Variants in PATJ observed in about 807,000 individuals in gnomAD.
PATJ encodes the protein inaD-like protein.
Under a neutral mutation model 224.9 loss-of-function variants are expected in PATJ, and 190 were observed. That is an observed-to-expected ratio of 0.84 (90% CI 0.75 to 0.95). The LOEUF is 0.95. PATJ is among the 40% of genes least tolerant of loss of function. The probability of loss-of-function intolerance (pLI) is 0.00; values close to 1 mark genes in which losing one functional copy is unlikely to be tolerated. For synonymous variants in PATJ, 769 were observed against 820.3 expected, an observed-to-expected ratio of 0.94 and a Z score of 1.07; for missense variants, 2,121 against 2,270.3, an observed-to-expected ratio of 0.93 and a Z score of 1.34.
At position 62,158,729 on chromosome 1, in the gene PATJ, AAC is replaced by A. The variant is rs1192593646; in HGVS notation, c.5503-2177_5503-2176del. On this transcript the variant is annotated intron_variant, in intron 43 of 43. Transcript: ENST00000642238. Reference sequence around the variant, plus strand: ...GAGCGAGACTCTGTCTCAAAAAAAAAACAAAAAAAAAGAGTTCGAGACCAGCT... The same window carrying A: ...GAGCGAGACTCTGTCTCAAAAAAAAAAAAAAAAAAGAGTTCGAGACCAGCT... Among the ~76,000 whole-genome samples the A allele has an allele frequency of 1.5e-3, 212 of 145,068 alleles. 16 individuals are homozygous for A. Among genetic ancestry groups the A allele is most frequent in the Non-Finnish European group, 2.5e-3 (163 of 65,752 alleles).
At chr1:61,777,219 AT>A (rs1387302118) in intron 7 of PATJ, among the ~76,000 whole-genome samples, 1 of 152,164 alleles carries the variant, frequency 6.6e-6, no homozygotes, top group Non-Finnish European at 1.5e-5. Context: ...AAAAATTAGA[AT>A]TTTGGAAAAT....
chr1:61,985,339 G>C (rs911328386), intron 27 of PATJ, among the ~76,000 whole-genome samples: 4 of 151,502 alleles, frequency 2.6e-5, no homozygotes, highest in African/African-American at 9.8e-5. Context: ...GGTTTCAAAA[G>C]TCAGAATAAT....
chr1:62,157,815 AGT>A (rs1669387483), intron 43 of PATJ, among the ~76,000 whole-genome samples: 2 of 127,968 alleles, frequency 1.6e-5, no homozygotes, highest in African/African-American at 5.7e-5. Flanking sequence ...TGGGCAACAG[AGT>A]GAGACTCTGT....
At chr1:61,755,012 A>G (rs1032129795) in intron 1 of PATJ, among the ~76,000 whole-genome samples, 3 of 152,020 alleles carry the variant, frequency 2.0e-5, no homozygotes, top group African/African-American at 7.2e-5. Context: ...AGAGGTTAGG[A>G]AGATGGGCAG....
At chr1:62,072,222 C>G (rs1163639097) in intron 31 of PATJ, among the ~76,000 whole-genome samples, 1 of 152,172 alleles carries the variant, frequency 6.6e-6, no homozygotes, top group Non-Finnish European at 1.5e-5. Context: ...AGTCTGGATT[C>G]TGCACTCCTC....
chr1:61,946,685 G>GA (rs1678772915), intron 27 of PATJ, among the ~76,000 whole-genome samples: 2 of 152,130 alleles, frequency 1.3e-5, no homozygotes, highest in South Asian at 4.1e-4. Context: ...CCAATCCATA[G>GA]AAAAAGAGGG....
chr1:61,884,455 T>G (rs1299853014), intron 22 of PATJ, 47 bp downstream of exon 22: 17 of 59,728 alleles, frequency 2.8e-4, no homozygotes, highest in Admixed American at 1.3e-3. Context: ...ATAGTGGTTT[T>G]TTTTTTTTTT....
intron 41 of PATJ, among the ~76,000 whole-genome samples, chr1:62,145,066 C>A (rs1047134600): frequency 6.6e-6 from 1 of 152,052 alleles, no homozygotes; most frequent in African/African-American, 2.4e-5. Flanking sequence ...CCGCCCACCT[C>A]GGCTTCCAAA....
chr1:62,117,508 A>T, intron 37 of PATJ: 5 of 638,650 alleles, frequency 7.8e-6, no homozygotes, highest in Non-Finnish European at 9.9e-6. Context: ...TGTTTATTTA[A>T]AAAAAAAAAA....
intron 33 of PATJ, among the ~76,000 whole-genome samples, chr1:62,096,500 ATAATC>A (rs1218752208): frequency 1.3e-5 from 2 of 152,148 alleles, no homozygotes; most frequent in African/African-American, 4.8e-5. Flanking sequence ...CTTGGGAAAA[ATAATC>A]TAAAATATCC....
intron 21 of PATJ, 41 bp from the exon 22 acceptor site, chr1:61,884,196 A>C: frequency 6.7e-7 from 1 of 1,501,010 alleles, no homozygotes; most frequent in South Asian, 1.4e-5. Context: ...AAGGAGAATG[A>C]GTGCCTCTTG....
intron 33 of PATJ, among the ~76,000 whole-genome samples, chr1:62,103,898 C>T (rs1425044976): frequency 5.9e-5 from 9 of 152,284 alleles, no homozygotes; most frequent in South Asian, 4.1e-4. Flanking sequence ...CCAAGTCCCA[C>T]GGCCAACAGT....
chr1:61,890,994 A>G (rs535021519), intron 22 of PATJ, among the ~76,000 whole-genome samples: 1 of 152,194 alleles, frequency 6.6e-6, no homozygotes, highest in East Asian at 1.9e-4. Context: ...TACCCAGGGT[A>G]GTATTCATTG....
chr1:61,861,670 A>G lies in PATJ; in HGVS notation c.2439+3A>G. 1 of 1,205,322 alleles carries G rather than the reference A, an allele frequency of 8.3e-7. No homozygotes were observed. Among genetic ancestry groups the G allele is most frequent in the Non-Finnish European group, 1.1e-6 (1 of 873,594 alleles). 74.7% of individuals were successfully genotyped at this position (1,205,322 alleles called of 1,614,324 possible). A position where few individuals can be genotyped will look rare whatever the true frequency, so the allele number is the denominator to read the frequency against. The stretch of plus-strand genomic sequence containing the variant: ...CTTTAATACTCGAAGCACCCAAGGT[A>G]TTTAATAAATTTATTTCCCATTTGA... On this transcript the variant is annotated splice_donor_region_variant and intron_variant, in intron 19 of 43. Transcript: ENST00000642238.
At chr1:61,791,817 G>T (rs1242175854) in intron 9 of PATJ, among the ~76,000 whole-genome samples, 1 of 151,820 alleles carries the variant, frequency 6.6e-6, no homozygotes, top group Non-Finnish European at 1.5e-5. Context: ...CCCAAAGTAT[G>T]ACTATTGTGT....
intron 15 of PATJ, among the ~76,000 whole-genome samples, chr1:61,825,368 A>G (rs1658058364): frequency 6.6e-6 from 1 of 152,126 alleles, no homozygotes; most frequent in African/African-American, 2.4e-5. Context: ...AGCACTTAGG[A>G]GGGTCACAAG....
chr1:62,073,000 G>C, intron 31 of PATJ: 6 of 982,176 alleles, frequency 6.1e-6, no homozygotes, highest in Non-Finnish European at 7.3e-6. Flanking sequence ...CTGCTAATTG[G>C]TTGTGTCTTT....
intron 42 of PATJ, among the ~76,000 whole-genome samples, chr1:62,153,006 C>T (rs1255301580): frequency 2.6e-5 from 4 of 151,192 alleles, no homozygotes; most frequent in Non-Finnish European, 4.4e-5. Flanking sequence ...AGGTATGGCA[C>T]ACACCCATAG....
chr1:61,842,089 C>G (rs1047104430), intron 17 of PATJ, among the ~76,000 whole-genome samples: 2 of 152,156 alleles, frequency 1.3e-5, no homozygotes, highest in Admixed American at 6.5e-5. Flanking sequence ...GAGCCCACTC[C>G]TGGTGTGTGC....
Sources: allele counts gnomAD v4.1 joint callset (sites outside exome capture counted in the v4.1 genomes callset), GRCh38; gene constraint gnomAD v4.1.1; transcripts MANE v1.5; gene names NCBI Gene and HGNC (gene_info 2026-07-23, HGNC 2026-07-21).